Variants in IL1RN observed in about 807,000 individuals in gnomAD.
The protein encoded by IL1RN is interleukin-1 receptor antagonist protein.
A neutral mutation model predicts 13.7 loss-of-function variants in IL1RN; 10 were observed. The observed-to-expected ratio is 0.73, with a 90% CI of 0.45 to 1.24. The LOEUF is 1.24. Ranked by LOEUF, IL1RN falls within the 50% of genes most tolerant of loss-of-function variation. The probability of loss-of-function intolerance (pLI) is 0.00; values close to 1 mark genes in which losing one functional copy is unlikely to be tolerated. For missense variants in IL1RN, 213 were observed against 222.1 expected (o/e 0.96, Z 0.26); for synonymous variants, 102 against 82.7 (o/e 1.23, Z -1.27).
intron 3 of IL1RN, 40 bp from the exon 4 acceptor site, chr2:113,132,616 C>G: frequency 6.3e-7 from 1 of 1,577,254 alleles, no homozygotes. Flanking sequence ...ACAGGACTTC[C>G]TAGGCCTCAG....
the IL1RN span, among the ~76,000 whole-genome samples, chr2:113,100,187 G>A: frequency 7.3e-5 from 11 of 151,424 alleles, no homozygotes; most frequent in South Asian, 1.3e-3. Context: ...TTAGCCGGGC[G>A]TGGTGGCGGG....
upstream of IL1RN, among the ~76,000 whole-genome samples, chr2:113,103,785 G>A (rs1686348233): frequency 6.6e-6 from 1 of 152,170 alleles, no homozygotes; most frequent in South Asian, 2.1e-4. Flanking sequence ...GGGGTGGGAA[G>A]GTGATGGATT....
chr2:113,103,451 G>T (rs953790024), upstream of IL1RN, among the ~76,000 whole-genome samples: 1 of 152,238 alleles, frequency 6.6e-6, no homozygotes, highest in Non-Finnish European at 1.5e-5. Flanking sequence ...TTGCAAAGGA[G>T]ATGTGCTGAT....
chr2:113,104,617 C>T (rs779788682), upstream of IL1RN, among the ~76,000 whole-genome samples: 11 of 152,142 alleles, frequency 7.2e-5, no homozygotes, highest in Non-Finnish European at 1.2e-4. Flanking sequence ...TCAACACCTC[C>T]CTTTAGTTTC....
rs1467369472 is a variant in IL1RN, at chr2:113,132,756, C to T, written c.419C>T (p.Ala140Val). The T allele has an allele frequency of 2.5e-6, 4 of 1,614,278 alleles. No individual in the cohort carries two copies. Among genetic ancestry groups the T allele is most frequent in the Non-Finnish European group, 3.4e-6 (4 of 1,180,050 alleles). The change falls in exon 4 of 4, where the codon GCC becomes GTC. Residue 140 changes from alanine to valine, a missense_variant. Physicochemically the swap from Ala to Val is moderately conservative, Grantham distance 64. Transcript: ENST00000409930. ...SGPTTSFESA[A>V]CPGWFLCTAM... ...CCCACCACCAGTTTTGAGTCTGCCG[C>T]CTGCCCCGGTTGGTTCCTCTGCACA...
chr2:113,111,643 C>A (rs997510936), intron 1 of IL1RN, among the ~76,000 whole-genome samples: 4 of 152,248 alleles, frequency 2.6e-5, no homozygotes, highest in African/African-American at 9.6e-5. Context: ...GCCAGTGCCA[C>A]CCTACCTCCT....
chr2:113,114,585 AC>A (rs1317440222), upstream of IL1RN, among the ~76,000 whole-genome samples: 5 of 152,102 alleles, frequency 3.3e-5, no homozygotes, highest in Admixed American at 6.5e-5. Context: ...TCAATGTGTG[AC>A]CACTTACAAA....
the IL1RN span, among the ~76,000 whole-genome samples, chr2:113,102,121 A>G: frequency 6.6e-6 from 1 of 152,166 alleles, no homozygotes; most frequent in Non-Finnish European, 1.5e-5. Flanking sequence ...GCCATAACAA[A>G]ATACCACAGG....
rs1270061971 is a variant in IL1RN at position 113,133,249 on chromosome 2, C to T, written c.*378C>T. ...GATCCATCAGGCCACTTGATGACCCCCAACCAAGTGGCTCCCACACCCTGT... is the reference window on the plus strand; with the variant it reads ...GATCCATCAGGCCACTTGATGACCCTCAACCAAGTGGCTCCCACACCCTGT... On this transcript the variant is annotated 3_prime_UTR_variant, in exon 4 of 4. Coordinates refer to ENST00000409930, the MANE Select transcript of IL1RN (RefSeq NM_173842.3). 3.0e-6 allele frequency: 1 copy of T among 336,318 alleles called. No individual in the cohort carries two copies. The highest frequency in any genetic ancestry group is 2.1e-5 in the African/African-American group (1 of 47,350). 20.8% of individuals were successfully genotyped at this position (336,318 alleles called of 1,614,324 possible). A position where few individuals can be genotyped will look rare whatever the true frequency, so the allele number is the denominator to read the frequency against.
At chr2:113,124,657 G>A (rs545757401), upstream of IL1RN, among the ~76,000 whole-genome samples, 7 of 152,160 alleles carry the variant, frequency 4.6e-5, no homozygotes, top group African/African-American at 7.2e-5. Context: ...GATTCATCAC[G>A]TGCAGCATTT....
At chr2:113,110,328 A>G (rs1686474510), upstream of IL1RN, among the ~76,000 whole-genome samples, 1 of 152,188 alleles carries the variant, frequency 6.6e-6, no homozygotes, top group African/African-American at 2.4e-5. Flanking sequence ...TGTTCCTCAC[A>G]GAAGCTTTTT....
At position 113,127,667 on chromosome 2, in the gene IL1RN, C is replaced by T. The variant is rs1490908524; in HGVS notation, c.43C>T (p.Leu15Phe). 2 of 1,614,146 alleles carry T rather than the reference C, an allele frequency of 1.2e-6. No homozygotes were observed. The highest frequency in any genetic ancestry group is 2.2e-5 in the East Asian group (1 of 44,876). The change falls in exon 1 of 4, where the codon CTC becomes TTC. Residue 15 changes from leucine (L) to phenylalanine (F), a missense_variant. Leu to Phe is a conservative substitution (Grantham distance 22). Transcript: ENST00000409930. ...CCTCCGCAGTCACCTAATCACTCTC[C>T]TCCTCTTCCTGTTCCATTCAGAGAC... ...RGLRSHLITL[L>F]LFLFHSETIC... is the part of the protein sequence containing the mutation.
In IL1RN at chr2:113,132,717, G is replaced by T. The variant is rs780956028; in HGVS notation, c.380G>T (p.Arg127Leu). 7 of 1,614,096 alleles carry T rather than the reference G, an allele frequency of 4.3e-6. No homozygotes were observed. The highest frequency in any genetic ancestry group is 2.2e-5 in the East Asian group (1 of 44,878). ...RKQDKRFAFI[R>L]SDSGPTTSFE... is the part of the protein sequence containing the mutation. ...CAGGACAAGCGCTTCGCCTTCATCC[G>T]CTCAGACAGTGGCCCCACCACCAGT... The change falls in exon 4 of 4, where the codon CGC (arginine) becomes CTC (leucine). Residue 127 changes from arginine to leucine, a missense_variant. Arg to Leu is a moderately radical substitution (Grantham distance 102, BLOSUM62 -2). Coordinates refer to ENST00000409930, the MANE Select transcript of IL1RN (RefSeq NM_173842.3).
chr2:113,127,527 C>A (rs924533296), upstream of IL1RN: 1 of 1,516,698 alleles, frequency 6.6e-7, no homozygotes, highest in Non-Finnish European at 8.8e-7. Context: ...CGCAGTGGGG[C>A]AGGGTGGCAG....
upstream of IL1RN, chr2:113,117,674 G>A (rs1015898404): frequency 2.6e-5 from 12 of 465,008 alleles, no homozygotes; most frequent in African/African-American, 9.6e-5. Context: ...GGGTAAGCAC[G>A]AAGGCCCAGC....
At chr2:113,113,581 C>T (rs1177011916), upstream of IL1RN, among the ~76,000 whole-genome samples, 1 of 151,364 alleles carries the variant, frequency 6.6e-6, no homozygotes, top group Non-Finnish European at 1.5e-5. Context: ...ATGTTCTTAC[C>T]AATAATAATA....
chr2:113,103,109 C>G (rs568103452), upstream of IL1RN, among the ~76,000 whole-genome samples: 3 of 152,184 alleles, frequency 2.0e-5, no homozygotes, highest in Non-Finnish European at 4.4e-5. Context: ...TTCAGGCAGC[C>G]TGTATCAGTA....
chr2:113,100,149 C>T, the IL1RN span, among the ~76,000 whole-genome samples: 30,102 of 148,936 alleles, frequency 0.2, 3,702 homozygotes, highest in South Asian at 0.35. Context: ...GGTGAAACCC[C>T]GTCTCTACTA....
At chr2:113,102,504 G>A (rs1573267567), upstream of IL1RN, among the ~76,000 whole-genome samples, 1 of 152,324 alleles carries the variant, frequency 6.6e-6, no homozygotes, top group East Asian at 1.9e-4. Context: ...GAAGCCTGTA[G>A]GCATGGGAAG....
Sources: gnomAD v4.1 joint callset for allele counts (sites outside exome capture counted in the v4.1 genomes callset) on GRCh38, gnomAD v4.1.1 for gene constraint, MANE v1.5 for transcripts, NCBI Gene and HGNC (gene_info 2026-07-23, HGNC 2026-07-21) for gene names.